Variants in WDR49 observed in about 807,000 individuals in gnomAD.
WDR49 encodes cilia- and flagella-associated protein 337.
In WDR49, 107 loss-of-function variants were observed where a neutral mutation model predicts 119.5. The observed-to-expected ratio is 0.90, with a 90% CI of 0.77 to 1.05. WDR49 has a LOEUF of 1.05. Ranked by LOEUF, WDR49 falls within the 50% of genes least tolerant of loss-of-function variation. The probability of loss-of-function intolerance (pLI) is 0.00; values close to 1 mark genes in which losing one functional copy is unlikely to be tolerated. For missense variants in WDR49, 1,240 were observed against 1,220.5 expected (o/e 1.02, Z -0.24); for synonymous variants, 425 against 418.8 (o/e 1.01, Z -0.18).
At chr3:167,515,792 G>A (rs1467142444) in intron 16 of WDR49, among the ~76,000 whole-genome samples, 1 of 152,126 alleles carries the variant, frequency 6.6e-6, no homozygotes, top group East Asian at 1.9e-4. Context: ...AAAGACTCAG[G>A]ATACAAAAAC....
At chr3:167,479,405 G>A (rs924161098) in intron 18 of WDR49, among the ~76,000 whole-genome samples, 3 of 151,968 alleles carry the variant, frequency 2.0e-5, no homozygotes, top group East Asian at 1.9e-4. Context: ...ATAAACAAGC[G>A]CATCTATAAT....
At chr3:167,542,505 C>T (rs1711907464) in intron 10 of WDR49, among the ~76,000 whole-genome samples, 6 of 152,012 alleles carry the variant, frequency 3.9e-5, no homozygotes, top group Admixed American at 3.9e-4. Flanking sequence ...TATACAAATA[C>T]ATGAAAATTA....
chr3:167,578,288 C>T (rs1408064529), intron 7 of WDR49, among the ~76,000 whole-genome samples: 1 of 152,070 alleles, frequency 6.6e-6, no homozygotes, highest in Admixed American at 6.6e-5. Context: ...AAGATGCGTC[C>T]ATTGTATAAA....
chr3:167,585,206 AC>A (rs1262915214), intron 7 of WDR49, among the ~76,000 whole-genome samples: 2 of 152,154 alleles, frequency 1.3e-5, no homozygotes, highest in East Asian at 3.8e-4. Context: ...AAAAATGAAC[AC>A]ATTTTCACTG....
intron 17 of WDR49, among the ~76,000 whole-genome samples, chr3:167,501,591 T>C (rs983288141): frequency 1.3e-5 from 2 of 152,206 alleles, no homozygotes; most frequent in Non-Finnish European, 2.9e-5. Context: ...AAAATCAACA[T>C]ATCTGCTCTA....
intron 7 of WDR49, among the ~76,000 whole-genome samples, chr3:167,584,558 T>G (rs1560298086): frequency 6.6e-6 from 1 of 152,090 alleles, no homozygotes. Flanking sequence ...AGAGAATGGT[T>G]AAACCATCGT....
At chr3:167,601,814 GT>G (rs1286621760) in intron 7 of WDR49, among the ~76,000 whole-genome samples, 1 of 152,080 alleles carries the variant, frequency 6.6e-6, no homozygotes, top group African/African-American at 2.4e-5. Flanking sequence ...TTCATTTTCT[GT>G]TTTTTCTATT....
rs1030671135 is a variant in WDR49 at position 167,517,703 on chromosome 3, C to CT, written c.2774+4611dup. Among the ~76,000 whole-genome samples, 5 of 140,732 alleles carry CT rather than the reference C, an allele frequency of 3.6e-5. No homozygotes were observed. In the South Asian group the frequency reaches 7.2e-4, roughly 20 times the overall value. 92.3% of individuals were successfully genotyped at this position (140,732 alleles called of 152,430 possible). ...TTTTTTTTTCCGTTTTTAACCTTTACTTTTTTTTTCTTTTCTTTTCTTTTC... is the reference window on the plus strand; with the variant it reads ...TTTTTTTTTCCGTTTTTAACCTTTACTTTTTTTTTTCTTTTCTTTTCTTTTC... On this transcript the variant is annotated intron_variant, in intron 16 of 18. Transcript: ENST00000682715.
In WDR49 at chr3:167,532,920, A is replaced by G; in HGVS notation, c.2012T>C (p.Val671Ala). Residue 671 changes from valine to alanine, a missense_variant, in exon 12 of 19, where the codon GTT becomes GCT. Physicochemically the swap from Val to Ala is moderately conservative, Grantham distance 64 (BLOSUM62 0). Coordinates refer to ENST00000682715, the MANE Select transcript of WDR49 (RefSeq NM_001366157.1). ...CAACCTCTGGTAATCAGGGTGAAGA[A>G]CATGGTGAGCATTCTCTGTGCTATT... ...WNNSTENAHHVLHPDYQRLLK... is the reference protein window; with the variant it reads ...WNNSTENAHHALHPDYQRLLK... 3.7e-6 allele frequency: 6 copies of G among 1,610,158 alleles called. 1 individual carries two copies. The South Asian group carries it at 6.6e-5, about 18-fold the overall frequency.
At chr3:167,479,391 A>G (rs1050282170) in intron 18 of WDR49, among the ~76,000 whole-genome samples, 2 of 152,220 alleles carry the variant, frequency 1.3e-5, no homozygotes. Context: ...GACTGTCTGC[A>G]TGAATAAACA....
At chr3:167,564,310 T>C (rs1218201256) in intron 8 of WDR49, among the ~76,000 whole-genome samples, 1 of 152,200 alleles carries the variant, frequency 6.6e-6, no homozygotes, top group Non-Finnish European at 1.5e-5. Flanking sequence ...CAACCAGTAT[T>C]AGCCAGAATC....
intron 3 of WDR49, among the ~76,000 whole-genome samples, chr3:167,624,897 G>A (rs1406031380): frequency 6.6e-6 from 1 of 152,068 alleles, no homozygotes; most frequent in Non-Finnish European, 1.5e-5. Flanking sequence ...TGTGAAGGCA[G>A]CAAAGACTGA....
chr3:167,531,424 C>G (rs1295275962), intron 12 of WDR49, 145 bp from the exon 13 acceptor site: 3 of 935,622 alleles, frequency 3.2e-6, no homozygotes, highest in Non-Finnish European at 4.7e-6. Flanking sequence ...ATCTATCAAG[C>G]CTTCTGCTAT....
chr3:167,574,170 A>G (rs149481370), intron 8 of WDR49, among the ~76,000 whole-genome samples: 63 of 152,296 alleles, frequency 4.1e-4, no homozygotes, highest in African/African-American at 1.4e-3. Context: ...CATCAGCACT[A>G]TGGTTAGGAC....
chr3:167,593,765 C>T (rs1715260085), intron 7 of WDR49, among the ~76,000 whole-genome samples: 1 of 152,000 alleles, frequency 6.6e-6, no homozygotes, highest in African/African-American at 2.4e-5. Context: ...GCTCTGTGTT[C>T]CCACCCAAAT....
chr3:167,574,013 C>T lies in WDR49; in HGVS notation c.1509+1905G>A, dbSNP rs527372547. Among the ~76,000 whole-genome samples, 8 of 152,306 alleles carry T rather than the reference C, an allele frequency of 5.3e-5. No homozygotes were observed. In the South Asian group the frequency reaches 1.2e-3, roughly 24 times the overall value. ...CTGCTGAAATGTGACCAACACTGGC[C>T]TCAGGCAGAATTGATCACTCTCCAT... On this transcript the variant is annotated intron_variant, in intron 8 of 18. Coordinates refer to ENST00000682715, the MANE Select transcript of WDR49 (RefSeq NM_001366157.1).
intron 9 of WDR49, among the ~76,000 whole-genome samples, chr3:167,555,716 T>G (rs1560283719): frequency 6.6e-6 from 1 of 152,180 alleles, no homozygotes; most frequent in Non-Finnish European, 1.5e-5. Context: ...TACACACATT[T>G]TGGTGGCCAG....
chr3:167,521,551 T>C (rs945694969), intron 16 of WDR49, among the ~76,000 whole-genome samples: 1 of 152,226 alleles, frequency 6.6e-6, no homozygotes, highest in Non-Finnish European at 1.5e-5. Flanking sequence ...GGGAGTTTTA[T>C]AGAATGACTA....
At chr3:167,528,989 G>T in intron 14 of WDR49, 63 bp downstream of exon 14, 7 of 1,364,388 alleles carry the variant, frequency 5.1e-6, no homozygotes, top group Non-Finnish European at 6.8e-6. Context: ...TTGATTCATA[G>T]TTACCTGCAA....
Sources: gnomAD v4.1 joint callset for allele counts (sites outside exome capture counted in the v4.1 genomes callset) on GRCh38, gnomAD v4.1.1 for gene constraint, MANE v1.5 for transcripts, NCBI Gene and HGNC (gene_info 2026-07-23, HGNC 2026-07-21) for gene names.